The following PEX1 variants were observed in gnomAD, a reference collection of about 807,000 sequenced individuals.
The protein encoded by PEX1 is peroxisomal ATPase PEX1.
PEX1 carries 97 observed loss-of-function variants against 152.5 expected under a neutral mutation model. The observed-to-expected ratio is 0.64, with a 90% CI of 0.54 to 0.75. The LOEUF is 0.75. Ranked by LOEUF, PEX1 falls within the 30% of genes least tolerant of loss-of-function variation. PEX1 has a pLI of 0.00. For missense variants in PEX1, 1,357 were observed against 1,516.3 expected (o/e 0.89, Z 1.74); for synonymous variants, 485 against 531.6 (o/e 0.91, Z 1.21).
At chr7:92,505,425 A>AG (rs1458222956) in intron 11 of PEX1, among the ~76,000 whole-genome samples, 1 of 151,666 alleles carries the variant, frequency 6.6e-6, no homozygotes, top group African/African-American at 2.4e-5. Flanking sequence ...AAAAAAAAAA[A>AG]AAGAAAAAAG....
rs774973908 is a variant in PEX1, at chr7:92,502,075, T to C, written c.2231A>G (p.Gln744Arg). The C allele has an allele frequency of 1.3e-6, 2 of 1,596,112 alleles. No homozygotes were observed. Among genetic ancestry groups the C allele is most frequent in the Non-Finnish European group, 1.7e-6 (2 of 1,166,834 alleles). ...VQHIQPPNQE[Q>R]RCEILCNVIK... ...TACATTACACAGAATTTCACATCTTTGTTCCTAAAGAAAAAAACACAAAAT... is the reference window on the plus strand; with the variant it reads ...TACATTACACAGAATTTCACATCTTCGTTCCTAAAGAAAAAAACACAAAAT... The change falls in exon 14 of 24, where the codon CAA (glutamine) becomes CGA (arginine). Residue 744 changes from glutamine (Q) to arginine (R), a missense_variant. By Grantham distance (43) the Gln-to-Arg change is conservative. Transcript: ENST00000248633.
intron 20 of PEX1, among the ~76,000 whole-genome samples, chr7:92,492,411 C>A (rs1791383747): frequency 6.6e-6 from 1 of 152,204 alleles, no homozygotes; most frequent in Non-Finnish European, 1.5e-5. Context: ...AAATGATCCT[C>A]CTGCCTTGGC....
rs1791837452 is a variant in PEX1, at chr7:92,499,838, A to G, written c.2584T>C (p.Tyr862His). Reference protein sequence around the residue: ...LMDTIQLPAKYPELFANLPIR... With the variant: ...LMDTIQLPAKHPELFANLPIR... ...GGCAAGTTTGCAAATAATTCTGGAT[A>G]CTGAGAAACAAAAAAAAAAAATATG... is the stretch of plus-strand genomic sequence containing the variant. Residue 862 changes from tyrosine (Y) to histidine (H), a missense_variant and splice_region_variant, in exon 16 of 24, where the codon TAT becomes CAT. Physicochemically the swap from Tyr to His is moderately conservative, Grantham distance 83 (BLOSUM62 2). Coordinates refer to ENST00000248633, the MANE Select transcript of PEX1 (RefSeq NM_000466.3). The G allele has an allele frequency of 1.3e-6, 2 of 1,545,054 alleles. No individual in the cohort carries two copies. The highest frequency in any genetic ancestry group is 2.3e-5 in the East Asian group (1 of 43,348).
chr7:92,501,452 T>C (rs904817011), intron 15 of PEX1, 55 bp downstream of exon 15: 57 of 1,457,354 alleles, frequency 3.9e-5, no homozygotes, highest in Middle Eastern at 1.7e-4. Flanking sequence ...CCAAAGCCAA[T>C]AATACAGTGG....
intron 8 of PEX1, 80 bp from the exon 9 acceptor site, chr7:92,509,491 T>C (rs1320819963): frequency 3.2e-6 from 3 of 926,208 alleles, no homozygotes; most frequent in African/African-American, 3.2e-5. Context: ...GAAAACTAAA[T>C]TGCTGATTCT....
intron 12 of PEX1, among the ~76,000 whole-genome samples, chr7:92,504,031 C>G (rs1440011179): frequency 6.6e-6 from 1 of 152,016 alleles, no homozygotes; most frequent in Non-Finnish European, 1.5e-5. Context: ...GCTTCCTTTG[C>G]TTCTTTATTA....
At chr7:92,509,452 T>C in intron 8 of PEX1, 41 bp from the exon 9 acceptor site, 3 of 1,421,780 alleles carry the variant, frequency 2.1e-6, no homozygotes, top group East Asian at 2.3e-5. Context: ...TTTCAAAGTA[T>C]GTCTTTTGCA....
chr7:92,492,191 T>C (rs527838015), intron 20 of PEX1, among the ~76,000 whole-genome samples: 1 of 152,284 alleles, frequency 6.6e-6, no homozygotes, highest in African/African-American at 2.4e-5. Flanking sequence ...CTGTCATCCA[T>C]GCTGGAGTGC....
chr7:92,516,074 AG>A lies in PEX1; in HGVS notation c.1239+1201del, dbSNP rs1166846895. Among the ~76,000 whole-genome samples, 7 of 147,348 alleles carry A rather than the reference AG, an allele frequency of 4.8e-5. No individual in the cohort carries two copies. The East Asian group carries it at 6.0e-4, about 13-fold the overall frequency. On this transcript the variant is annotated intron_variant, in intron 5 of 23. Transcript: ENST00000248633. ...AAGAGAAAAAAGAAAAGAAAAGAAA[AG>A]AAAAGAAAAGAAAAGAAAAGAAAAG... is the stretch of plus-strand genomic sequence containing the variant.
chr7:92,506,278 C>A lies in PEX1; in HGVS notation c.1870G>T (p.Val624Leu). 1.2e-6 allele frequency: 2 copies of A among 1,608,940 alleles called. No individual in the cohort carries two copies. Among genetic ancestry groups the A allele is most frequent in the Non-Finnish European group, 1.7e-6 (2 of 1,175,390 alleles). ...AAAGCTTTACAGTCAACTCTCTCCA[C>A]ATGGGCATCCAGTTTGTCAAATGCT... ...KEAFDKLDAH[V>L]ERVDCKALRG... Residue 624 changes from valine to leucine, a missense_variant, in exon 11 of 24, where the codon GTG becomes TTG. Physicochemically the swap from Val to Leu is conservative, Grantham distance 32 (BLOSUM62 1). Coordinates refer to ENST00000248633, the MANE Select transcript of PEX1 (RefSeq NM_000466.3).
intron 23 of PEX1, among the ~76,000 whole-genome samples, chr7:92,488,860 A>G (rs1054060260): frequency 1.3e-5 from 2 of 151,984 alleles, no homozygotes; most frequent in African/African-American, 2.4e-5. Flanking sequence ...CAGCCTCCCA[A>G]GTAGCTGGGA....
chr7:92,489,763 A>T lies in PEX1; in HGVS notation c.3587T>A (p.Leu1196Gln). 1 of 1,614,144 alleles carries T rather than the reference A, an allele frequency of 6.2e-7. No individual in the cohort carries two copies. Among genetic ancestry groups the T allele is most frequent in the Non-Finnish European group, 8.5e-7 (1 of 1,180,022 alleles). The change falls in exon 22 of 24, where the codon CTG becomes CAG. Residue 1196 changes from leucine (L) to glutamine (Q), a missense_variant. Physicochemically the swap from Leu to Gln is moderately radical, Grantham distance 113 (BLOSUM62 -2). Coordinates refer to ENST00000248633, the MANE Select transcript of PEX1 (RefSeq NM_000466.3). ...TTTGATAATACTGATATCTGCCCTCAGTTGATCTCTTTGTTCTTGTGTAAG... is the reference window on the plus strand; with the variant it reads ...TTTGATAATACTGATATCTGCCCTCTGTTGATCTCTTTGTTCTTGTGTAAG... ...QELTQEQRDQ[L>Q]RADISIIKGR...
intron 6 of PEX1, among the ~76,000 whole-genome samples, chr7:92,512,547 A>T (rs1269452524): frequency 6.6e-6 from 1 of 152,148 alleles, no homozygotes; most frequent in East Asian, 1.9e-4. Flanking sequence ...GCTGGAGTGC[A>T]GTGGTGAGAT....
chr7:92,516,051 G>GAAAAA (rs1562864765), intron 5 of PEX1, among the ~76,000 whole-genome samples: 169 of 75,344 alleles, frequency 2.2e-3, no homozygotes, highest in African/African-American at 7.7e-3. Flanking sequence ...GAGAAGAGAA[G>GAAAAA]AGAAAAAAGA....
At chr7:92,498,899 C>G (rs963817796) in intron 16 of PEX1, among the ~76,000 whole-genome samples, 5 of 152,222 alleles carry the variant, frequency 3.3e-5, no homozygotes, top group African/African-American at 1.2e-4. Context: ...GCCCTTTTAT[C>G]TGAGCATTTA....
At chr7:92,488,760 C>T (rs1186613078) in intron 23 of PEX1, among the ~76,000 whole-genome samples, 6 of 146,518 alleles carry the variant, frequency 4.1e-5, no homozygotes, top group South Asian at 4.3e-4. Flanking sequence ...GACACAGTCT[C>T]GCTCTGTGGC....
intron 10 of PEX1, 130 bp downstream of exon 10, chr7:92,506,864 A>G (rs1225507654): frequency 8.2e-6 from 7 of 858,024 alleles, no homozygotes; most frequent in Admixed American, 7.9e-5. Context: ...AATGCTTTCC[A>G]TATGTCGTAT....
chr7:92,528,389 G>A lies in PEX1; in HGVS notation c.47C>T (p.Ala16Val), dbSNP rs1165150602. The A allele has an allele frequency of 6.3e-7, 1 of 1,592,304 alleles. No individual in the cohort carries two copies. Among genetic ancestry groups the A allele is most frequent in the Admixed American group, 1.7e-5 (1 of 57,254 alleles). The part of the protein sequence containing the change: ...RLAGAGGGGA[A>V]VTVAFTNARD... ...AGCGTTGGTGAAGGCCACAGTCACT[G>A]CCGCCCCGCCTCCCCCAGCACCCGC... The change falls in exon 1 of 24, where the codon GCA becomes GTA. Residue 16 changes from alanine to valine, a missense_variant. Ala to Val is a moderately conservative substitution (Grantham distance 64). Coordinates refer to ENST00000248633, the MANE Select transcript of PEX1 (RefSeq NM_000466.3).
Position 92,499,727 on chromosome 7 carries a change from T to C in PEX1, c.2695A>G (p.Arg899Gly), listed in dbSNP as rs1340722799. ...ACCTTGACACTTATAAAATTCATTCTACTCTCTCGTGCAATTACCCCAGCT... is the reference window on the plus strand; with the variant it reads ...ACCTTGACACTTATAAAATTCATTCCACTCTCTCGTGCAATTACCCCAGCT... The part of the protein sequence containing the change: ...LLAGVIARES[R>G]MNFISVKGPE... The change falls in exon 16 of 24, where the codon AGA becomes GGA. Residue 899 changes from arginine (R) to glycine (G), a missense_variant. Arg to Gly is a moderately radical substitution (Grantham distance 125). Transcript: ENST00000248633. 2 of 1,613,268 alleles carry C rather than the reference T, an allele frequency of 1.2e-6. No homozygotes were observed. The highest frequency in any genetic ancestry group is 1.7e-6 in the Non-Finnish European group (2 of 1,179,242).
Sources: gnomAD v4.1 joint callset for allele counts (sites outside exome capture counted in the v4.1 genomes callset) on GRCh38, gnomAD v4.1.1 for gene constraint, MANE v1.5 for transcripts, NCBI Gene and HGNC (gene_info 2026-07-23, HGNC 2026-07-21) for gene names.